Variants in MPHOSPH6 observed in about 807,000 individuals in gnomAD.
The protein encoded by MPHOSPH6 is M-phase phosphoprotein 6.
In MPHOSPH6, 25 loss-of-function variants were observed where a neutral mutation model predicts 21.8. The observed-to-expected ratio is 1.15, with a 90% CI of 0.83 to 1.60. The LOEUF (loss-of-function observed/expected upper bound fraction) is 1.60, where lower values mean the gene tolerates loss of function less well. Among genes scored for constraint, MPHOSPH6 ranks in the 40% most tolerant of loss-of-function variants. The pLI is 0.00. For missense variants in MPHOSPH6, 269 were observed against 181.8 expected (o/e 1.48, Z -2.76); for synonymous variants, 84 against 56.5 (o/e 1.49, Z -2.18).
intron 2 of MPHOSPH6, among the ~76,000 whole-genome samples, chr16:82,152,086 A>T (rs1478645014): frequency 6.6e-6 from 1 of 152,250 alleles, no homozygotes; most frequent in Non-Finnish European, 1.5e-5. Context: ...TAAGCTCCTT[A>T]CCAAGAGGAT....
intron 1 of MPHOSPH6, among the ~76,000 whole-genome samples, chr16:82,167,894 C>A (rs1033592173): frequency 2.6e-5 from 4 of 152,098 alleles, no homozygotes; most frequent in Non-Finnish European, 5.9e-5. Flanking sequence ...CGGTTGGGGA[C>A]CCATGCTATA....
intron 2 of MPHOSPH6, among the ~76,000 whole-genome samples, chr16:82,154,144 G>A (rs982559919): frequency 6.6e-5 from 10 of 152,182 alleles, no homozygotes; most frequent in African/African-American, 2.2e-4. Flanking sequence ...AATTTACCCT[G>A]CAATTGCATG....
At chr16:82,167,188 T>C (rs1237204630) in intron 1 of MPHOSPH6, among the ~76,000 whole-genome samples, 1 of 152,202 alleles carries the variant, frequency 6.6e-6, no homozygotes, top group Non-Finnish European at 1.5e-5. Context: ...TCTGAGAGTC[T>C]AACAGTGCCA....
intron 2 of MPHOSPH6, among the ~76,000 whole-genome samples, chr16:82,154,454 C>G (rs1400482183): frequency 6.6e-6 from 1 of 151,856 alleles, no homozygotes; most frequent in Admixed American, 6.6e-5. Flanking sequence ...TGCAAGGAAG[C>G]AAGAAAATGT....
chr16:82,166,349 A>T (rs1386852828), intron 1 of MPHOSPH6, among the ~76,000 whole-genome samples: 1 of 152,250 alleles, frequency 6.6e-6, no homozygotes, highest in African/African-American at 2.4e-5. Flanking sequence ...TATACTTCCC[A>T]GTCCTTTTGC....
intron 1 of MPHOSPH6, among the ~76,000 whole-genome samples, chr16:82,167,102 G>A (rs114436402): frequency 0.063 from 9,605 of 152,256 alleles, 541 homozygotes; most frequent in African/African-American, 0.14. Flanking sequence ...CTGAGTAGTT[G>A]TAACAGAGAC....
intron 2 of MPHOSPH6, among the ~76,000 whole-genome samples, chr16:82,157,966 G>A (rs1906481653): frequency 6.6e-6 from 1 of 152,192 alleles, no homozygotes. Flanking sequence ...TTTGCAGACT[G>A]TGCAAAAGCA....
chr16:82,152,838 A>T (rs1244710652), intron 2 of MPHOSPH6, among the ~76,000 whole-genome samples: 1 of 152,216 alleles, frequency 6.6e-6, no homozygotes, highest in African/African-American at 2.4e-5. Flanking sequence ...CATGGCAGGA[A>T]AGCAAACATG....
At chr16:82,160,610 TA>T (rs1248446747) in intron 2 of MPHOSPH6, among the ~76,000 whole-genome samples, 1 of 152,214 alleles carries the variant, frequency 6.6e-6, no homozygotes, top group Non-Finnish European at 1.5e-5. Flanking sequence ...TGTGGTCCGT[TA>T]TCCAAGGTTC....
At chr16:82,159,711 G>T (rs933063668) in intron 2 of MPHOSPH6, among the ~76,000 whole-genome samples, 1 of 152,110 alleles carries the variant, frequency 6.6e-6, no homozygotes, top group Non-Finnish European at 1.5e-5. Flanking sequence ...CGGCCTAGGA[G>T]TTCTAAATAA....
intron 2 of MPHOSPH6, among the ~76,000 whole-genome samples, chr16:82,163,203 G>C (rs12102917): frequency 1.7e-4 from 26 of 152,214 alleles, no homozygotes; most frequent in African/African-American, 6.0e-4. Context: ...ATCAGGTACA[G>C]AATGGAAACA....
chr16:82,167,829 C>T (rs1342750304), intron 1 of MPHOSPH6, among the ~76,000 whole-genome samples: 1 of 152,182 alleles, frequency 6.6e-6, no homozygotes, highest in Non-Finnish European at 1.5e-5. Context: ...TGCTCACTTC[C>T]TGCTGTGCAG....
intron 2 of MPHOSPH6, among the ~76,000 whole-genome samples, chr16:82,154,267 A>T (rs927775918): frequency 5.3e-5 from 8 of 152,258 alleles, no homozygotes; most frequent in African/African-American, 1.7e-4. Flanking sequence ...GCCACACCTT[A>T]GGAGTAGAGA....
At chr16:82,152,051 A>G (rs1052101831) in intron 2 of MPHOSPH6, among the ~76,000 whole-genome samples, 2 of 152,240 alleles carry the variant, frequency 1.3e-5, no homozygotes, top group Admixed American at 6.5e-5. Flanking sequence ...AAAGCAGAAT[A>G]AAGTATGAGT....
At chr16:82,167,359 TA>T (rs2142420893) in intron 1 of MPHOSPH6, among the ~76,000 whole-genome samples, 1 of 152,312 alleles carries the variant, frequency 6.6e-6, no homozygotes, top group Non-Finnish European at 1.5e-5. Context: ...TATACTTGCC[TA>T]AAAAGTGGTC....
At chr16:82,150,072 G>A (rs1162912896) in intron 3 of MPHOSPH6, among the ~76,000 whole-genome samples, 2 of 146,306 alleles carry the variant, frequency 1.4e-5, no homozygotes, top group East Asian at 4.4e-4. Flanking sequence ...AATAAAAGAT[G>A]AGAAATCAGT....
At chr16:82,153,265 C>G (rs537569958) in intron 2 of MPHOSPH6, among the ~76,000 whole-genome samples, 5 of 152,316 alleles carry the variant, frequency 3.3e-5, no homozygotes, top group Non-Finnish European at 4.4e-5. Flanking sequence ...CCATCCCTAG[C>G]TGTAGGGGAG....
At chr16:82,156,129 T>A (rs73591440) in intron 2 of MPHOSPH6, among the ~76,000 whole-genome samples, 1 of 151,672 alleles carries the variant, frequency 6.6e-6, no homozygotes, top group Non-Finnish European at 1.5e-5. Flanking sequence ...AAAGAAAAAA[T>A]TGATAAAATA....
chr16:82,169,978 G>C, intron 1 of MPHOSPH6, 147 bp downstream of exon 1: 1 of 924,916 alleles, frequency 1.1e-6, no homozygotes, highest in Middle Eastern at 3.2e-4. Flanking sequence ...GTGCAGAGCA[G>C]GCGCTAAGTG....
Sources: allele counts gnomAD v4.1 joint callset (sites outside exome capture counted in the v4.1 genomes callset), GRCh38; gene constraint gnomAD v4.1.1; transcripts MANE v1.5; gene names NCBI Gene and HGNC (gene_info 2026-07-23, HGNC 2026-07-21).